PTPRN2: variants seen among roughly 807,000 people sequenced by gnomAD.
The protein encoded by PTPRN2 is protein tyrosine phosphatase receptor type N2.
A neutral mutation model predicts 118.8 loss-of-function variants in PTPRN2; 74 were observed. That is an observed-to-expected ratio of 0.62 (90% CI 0.52 to 0.76). PTPRN2 has a LOEUF of 0.76. Ranked by LOEUF, PTPRN2 falls within the 30% of genes least tolerant of loss-of-function variation. The pLI, the probability that PTPRN2 is intolerant of heterozygous loss-of-function variation, is 0.00. For synonymous variants in PTPRN2, 641 were observed against 608.0 expected (o/e 1.05, Z -0.80); for missense variants, 1,481 against 1,394.4 (o/e 1.06, Z -0.99).
chr7:157,836,758 A>G (rs1165560604), intron 12 of PTPRN2, among the ~76,000 whole-genome samples: 1 of 152,196 alleles, frequency 6.6e-6, no homozygotes, highest in African/African-American at 2.4e-5. Flanking sequence ...GGTTTGGCCT[A>G]TGTCATGACC....
intron 12 of PTPRN2, among the ~76,000 whole-genome samples, chr7:157,856,381 C>T (rs2151218041): frequency 6.6e-6 from 1 of 152,346 alleles, no homozygotes; most frequent in Admixed American, 6.5e-5. Context: ...CAAGCACACA[C>T]ATTTTCTCAC....
Position 157,627,346 on chromosome 7 carries a change from G to A in PTPRN2, c.2197-5837C>T, listed in dbSNP as rs1803648098. 6.6e-6 allele frequency among the ~76,000 whole-genome samples: 1 copy of A among 152,234 alleles called. No homozygotes were observed. Among genetic ancestry groups the A allele is most frequent in the African/African-American group, 2.4e-5 (1 of 41,454 alleles). ...TGACTGAGGCTGACAATACCAGAGG[G>A]AGTGAGCCAGTGAAGGCGGGATTGC... On this transcript the variant is annotated intron_variant, in intron 14 of 22. Coordinates refer to ENST00000389418, the MANE Select transcript of PTPRN2 (RefSeq NM_002847.5). This position sits in a 1 kb window ranked among gnomAD's most constrained non-coding sequence, Gnocchi z 4.2.
At chr7:158,317,230 A>AT (rs1408167188) in intron 2 of PTPRN2, among the ~76,000 whole-genome samples, 1 of 152,244 alleles carries the variant, frequency 6.6e-6, no homozygotes, top group Non-Finnish European at 1.5e-5. Flanking sequence ...GTAATTTCAC[A>AT]TTTTTTATGT....
intron 12 of PTPRN2, among the ~76,000 whole-genome samples, chr7:157,769,191 C>T (rs550312145): frequency 6.6e-6 from 1 of 152,274 alleles, no homozygotes; most frequent in Admixed American, 6.5e-5. Flanking sequence ...TTATTCCGCC[C>T]CCCACACGCT....
intron 11 of PTPRN2, among the ~76,000 whole-genome samples, chr7:158,052,529 G>C (rs887637564): frequency 3.3e-5 from 5 of 152,236 alleles, no homozygotes; most frequent in African/African-American, 1.2e-4. Flanking sequence ...ATGGATGGTA[G>C]AGGGGTGCGG....
rs1005905981 is a variant in PTPRN2, at chr7:157,583,868, C to T, written c.2497-5728G>A. 5.2e-5 allele frequency among the ~76,000 whole-genome samples: 7 copies of T among 135,092 alleles called. No individual in the cohort carries two copies. The highest frequency in any genetic ancestry group is 1.4e-4 in the African/African-American group (5 of 36,548). 88.6% of individuals were successfully genotyped at this position (135,092 alleles called of 152,430 possible). On this transcript the variant is annotated intron_variant, in intron 17 of 22. Coordinates refer to ENST00000389418, the MANE Select transcript of PTPRN2 (RefSeq NM_002847.5). This position sits in a 1 kb window ranked among gnomAD's most constrained non-coding sequence, Gnocchi z 5.5. Reference sequence around the variant, plus strand: ...CTGCACGCCAGCCTGGGTGACAGAGCGAGACTCTGTCTCAAACACACACAC... The same window carrying T: ...CTGCACGCCAGCCTGGGTGACAGAGTGAGACTCTGTCTCAAACACACACAC...
chr7:158,223,581 C>T (rs1376291589), intron 3 of PTPRN2, among the ~76,000 whole-genome samples: 2 of 152,006 alleles, frequency 1.3e-5, no homozygotes, highest in Admixed American at 6.6e-5. Context: ...TTACAGCAAT[C>T]GATGCAGAAA....
chr7:158,229,720 G>A lies in PTPRN2; in HGVS notation c.278-24447C>T, dbSNP rs1389058420. Among the ~76,000 whole-genome samples, 5 of 151,708 alleles carry A rather than the reference G, an allele frequency of 3.3e-5. No homozygotes were observed. In the South Asian group the frequency reaches 6.3e-4, roughly 19 times the overall value. On this transcript the variant is annotated intron_variant, in intron 3 of 22. Coordinates refer to ENST00000389418, the MANE Select transcript of PTPRN2 (RefSeq NM_002847.5). ...TGGAAAAAGAACAAAGAATGAAGAGGGATGAAGACCACTTGCAAGACAGAA... is the reference window on the plus strand; with the variant it reads ...TGGAAAAAGAACAAAGAATGAAGAGAGATGAAGACCACTTGCAAGACAGAA...
At chr7:158,297,359 A>G (rs1362175592) in intron 3 of PTPRN2, among the ~76,000 whole-genome samples, 1 of 152,224 alleles carries the variant, frequency 6.6e-6, no homozygotes, top group African/African-American at 2.4e-5. Context: ...GATCTGCCAG[A>G]AACCCTTTGG....
chr7:158,373,965 G>A (rs1485849731), intron 2 of PTPRN2, among the ~76,000 whole-genome samples: 3 of 152,232 alleles, frequency 2.0e-5, no homozygotes, highest in African/African-American at 7.2e-5. Flanking sequence ...ATGAGAAGAT[G>A]AGACGCTGTG....
At chr7:158,315,899 G>A (rs1332846667) in intron 3 of PTPRN2, among the ~76,000 whole-genome samples, 4 of 152,202 alleles carry the variant, frequency 2.6e-5, no homozygotes, top group African/African-American at 9.7e-5. Flanking sequence ...GTGGACACCA[G>A]TCAGCCTCTT....
intron 13 of PTPRN2, among the ~76,000 whole-genome samples, chr7:157,657,072 T>C (rs1266042289): frequency 2.1e-4 from 14 of 65,828 alleles, no homozygotes; most frequent in Admixed American, 6.4e-4. Flanking sequence ...ACCACACACG[T>C]CACACATATA....
At chr7:157,638,356 C>T (rs1332723397) in intron 14 of PTPRN2, among the ~76,000 whole-genome samples, 8 of 152,192 alleles carry the variant, frequency 5.3e-5, no homozygotes, top group South Asian at 2.1e-4. Flanking sequence ...ACCAACCAAA[C>T]GTGCTCACAA....
chr7:158,417,002 A>C (rs1814715690), intron 2 of PTPRN2, among the ~76,000 whole-genome samples: 1 of 151,894 alleles, frequency 6.6e-6, no homozygotes, highest in South Asian at 2.1e-4. Context: ...TGCCACACAC[A>C]CTACATCGAG....
At chr7:157,642,842 A>AAAAAAAAAAC (rs1804782249) in intron 14 of PTPRN2, among the ~76,000 whole-genome samples, 3 of 146,678 alleles carry the variant, frequency 2.0e-5, no homozygotes, top group East Asian at 2.0e-4. Flanking sequence ...AAAAAAAAAA[A>AAAAAAAAAAC]AAGCAGCTAA....
rs1413747556 is a variant in PTPRN2 at position 158,441,496 on chromosome 7, G to A, written c.163+48239C>T. On this transcript the variant is annotated intron_variant, in intron 2 of 22. Transcript: ENST00000389418. ...CATGGCAGTGGTGGTGATGGTGATAGTGATGGTGATGGCAGTGGTGGCAGT... is the reference window on the plus strand; with the variant it reads ...CATGGCAGTGGTGGTGATGGTGATAATGATGGTGATGGCAGTGGTGGCAGT... 2.7e-5 allele frequency among the ~76,000 whole-genome samples: 4 copies of A among 147,132 alleles called. No individual in the cohort carries two copies. The East Asian group carries it at 7.9e-4, about 29-fold the overall frequency.
At chr7:158,204,286 G>A (rs1353217632) in intron 4 of PTPRN2, among the ~76,000 whole-genome samples, 1 of 151,958 alleles carries the variant, frequency 6.6e-6, no homozygotes, top group Non-Finnish European at 1.5e-5. Context: ...GCCGCGTTCT[G>A]AGGAAAGAGG....
At chr7:157,968,194 T>A (rs565709556) in intron 11 of PTPRN2, among the ~76,000 whole-genome samples, 1 of 152,250 alleles carries the variant, frequency 6.6e-6, no homozygotes, top group African/African-American at 2.4e-5. Context: ...AAGGCAGCCT[T>A]GAACATCTGA....
rs760463229 is a variant in PTPRN2 at position 158,133,976 on chromosome 7, C to A, written c.1257G>T (p.Arg419Ser). 4 of 1,613,906 alleles carry A rather than the reference C, an allele frequency of 2.5e-6. No homozygotes were observed. In the East Asian group the frequency reaches 8.9e-5, roughly 36 times the overall value. ...RLLPGALPFA[R>S]PLDMERKKSE... is the part of the protein sequence containing the mutation. ...ACTTCTTCCTCTCCATGTCGAGGGG[C>A]CTTGCAAAGGGGAGGGCTCCAGGTA... Residue 419 changes from arginine to serine, a missense_variant, in exon 9 of 23, where the codon AGG (arginine) becomes AGT (serine). Physicochemically the swap from Arg to Ser is moderately radical, Grantham distance 110. Coordinates refer to ENST00000389418, the MANE Select transcript of PTPRN2 (RefSeq NM_002847.5).
Sources: gnomAD v4.1 joint callset for allele counts (sites outside exome capture counted in the v4.1 genomes callset) on GRCh38, gnomAD v4.1.1 for gene constraint, Gnocchi (gnomAD v3.1) non-coding constraint, MANE v1.5 for transcripts, NCBI Gene and HGNC (gene_info 2026-07-23, HGNC 2026-07-21) for gene names.